The following MTOR variants were observed in gnomAD, a reference collection of about 807,000 sequenced individuals.
The protein encoded by MTOR is serine/threonine-protein kinase mTOR.
In MTOR, 70 loss-of-function variants were observed where a neutral mutation model predicts 319.8. That is an observed-to-expected ratio of 0.22 (90% CI 0.18 to 0.27). The LOEUF (loss-of-function observed/expected upper bound fraction) is 0.27, where lower values mean the gene tolerates loss of function less well. MTOR is among the 10% of genes least tolerant of loss of function. The pLI is 1.00. For missense variants in MTOR, 1,890 were observed against 3,274.4 expected, an observed-to-expected ratio of 0.58 and a Z score of 10.32; for synonymous variants, 1,183 against 1,211.4, an observed-to-expected ratio of 0.98 and a Z score of 0.49.
At chr1:11,235,549 C>T (rs1042102983) in intron 13 of MTOR, among the ~76,000 whole-genome samples, 1 of 152,124 alleles carries the variant, frequency 6.6e-6, no homozygotes, top group Non-Finnish European at 1.5e-5. Flanking sequence ...TTGGAAAAAT[C>T]TATATCAAAG....
chr1:11,206,272 AG>A (rs1295098084), intron 25 of MTOR, among the ~76,000 whole-genome samples: 1 of 152,250 alleles, frequency 6.6e-6, no homozygotes, highest in Admixed American at 6.5e-5. Flanking sequence ...GCACATAAAC[AG>A]GGAAGTATTA....
chr1:11,168,874 G>T (rs926935238), intron 28 of MTOR, among the ~76,000 whole-genome samples: 47 of 152,170 alleles, frequency 3.1e-4, no homozygotes, highest in African/African-American at 1.1e-3. Context: ...CTGAGTTATG[G>T]AAGGAAGGGA....
rs1646241062 is a variant in MTOR, at chr1:11,209,374, T to G, written c.3739A>C (p.Ser1247Arg). 6.2e-7 allele frequency: 1 copy of G among 1,614,232 alleles called. No individual in the cohort carries two copies. The highest frequency in any genetic ancestry group is 1.3e-5 in the African/African-American group (1 of 75,068). ...ATGGGTCCTGTTTCCACTGGTCCAC[T>G]AGCCAATGCATCCCCTTGGCCACTC... is the stretch of plus-strand genomic sequence containing the variant. The part of the protein sequence containing the change: ...LRSGQGDALA[S>R]GPVETGPMKK... The change falls in exon 25 of 58, where the codon AGT becomes CGT. Residue 1247 changes from serine (S) to arginine (R), a missense_variant. Coordinates refer to ENST00000361445, the MANE Select transcript of MTOR (RefSeq NM_004958.4).
At chr1:11,180,292 G>A (rs1200228344) in intron 28 of MTOR, among the ~76,000 whole-genome samples, 1 of 152,140 alleles carries the variant, frequency 6.6e-6, no homozygotes, top group Non-Finnish European at 1.5e-5. Context: ...GAAAAGGACC[G>A]CATATCTTTT....
At chr1:11,260,885 G>A (rs1326389997) in intron 1 of MTOR, among the ~76,000 whole-genome samples, 1 of 151,398 alleles carries the variant, frequency 6.6e-6, no homozygotes, top group Non-Finnish European at 1.5e-5. Context: ...CACCTCCCGG[G>A]TTCAAATGAT....
Position 11,234,210 on chromosome 1 carries a change from C to A in MTOR, c.2264G>T (p.Arg755Leu). 1 of 1,613,996 alleles carries A rather than the reference C, an allele frequency of 6.2e-7. No homozygotes were observed. The highest frequency in any genetic ancestry group is 8.5e-7 in the Non-Finnish European group (1 of 1,179,952). ...GIGRIKEQSA[R>L]MLGHLVSNAP... ...ATTGGAGACCAGGTGCCCCAGCATGCGGGCACTCTGCTCTTTGATTCTTCC... is the reference window on the plus strand; with the variant it reads ...ATTGGAGACCAGGTGCCCCAGCATGAGGGCACTCTGCTCTTTGATTCTTCC... Residue 755 changes from arginine (R) to leucine (L), a missense_variant, in exon 14 of 58, where the codon CGC (arginine) becomes CTC (leucine). By Grantham distance (102) the Arg-to-Leu change is moderately radical. Transcript: ENST00000361445.
rs1196008672 is a variant in MTOR, at chr1:11,238,497, A to AGGT, written c.1904_1906dup (p.His635dup). The AGGT allele has an allele frequency of 6.2e-7, 1 of 1,614,184 alleles. No individual in the cohort carries two copies. Among genetic ancestry groups the AGGT allele is most frequent in the South Asian group, 1.1e-5 (1 of 91,090 alleles). On this transcript the variant is annotated inframe_insertion, in exon 12 of 58. Coordinates refer to ENST00000361445, the MANE Select transcript of MTOR (RefSeq NM_004958.4). ...AACCACATGAGCATGGCCACTGATG[A>AGGT]GGTGGATGGAGGGTGTGAGCAGGCG...
At chr1:11,215,996 C>G (rs147196794) in intron 20 of MTOR, 152 bp downstream of exon 20, 3 of 479,428 alleles carry the variant, frequency 6.3e-6, no homozygotes, top group African/African-American at 1.9e-5. Flanking sequence ...CTTCCTCCCC[C>G]TCAAAATCCA....
chr1:11,120,693 C>A (rs1438261027), intron 49 of MTOR, among the ~76,000 whole-genome samples: 2 of 152,116 alleles, frequency 1.3e-5, no homozygotes, highest in Non-Finnish European at 2.9e-5. Flanking sequence ...TTGTATGTAA[C>A]CTATGCACAA....
At chr1:11,231,185 GGA>G in intron 17 of MTOR, 113 bp downstream of exon 17, 1 of 1,580,836 alleles carries the variant, frequency 6.3e-7, no homozygotes. Context: ...GAACAAAATT[GGA>G]GAGGGACAGG....
intron 36 of MTOR, chr1:11,138,938 C>T (rs17417751): frequency 0.041 from 7,834 of 191,462 alleles, 244 homozygotes; most frequent in Middle Eastern, 0.083. Flanking sequence ...TCTGAAAAAC[C>T]CAAATTGGTC....
chr1:11,128,842 C>CA lies in MTOR; in HGVS notation c.5811+12dup, dbSNP rs1642980650. ...ACTTGGAGCCACCTTCACCTGTAAC[C>CA]AAGTATCCTCACCTGTAGCCAGGTA... On this transcript the variant is annotated intron_variant, in intron 41 of 57. Transcript: ENST00000361445. This position sits in a 1 kb window ranked among gnomAD's most constrained non-coding sequence, Gnocchi z 5.3. 1.9e-6 allele frequency: 3 copies of CA among 1,608,870 alleles called. No homozygotes were observed. Among genetic ancestry groups the CA allele is most frequent in the Admixed American group, 3.3e-5 (2 of 59,854 alleles).
chr1:11,172,210 A>C (rs1644837212), intron 28 of MTOR, among the ~76,000 whole-genome samples: 1 of 152,132 alleles, frequency 6.6e-6, no homozygotes, highest in African/African-American at 2.4e-5. Flanking sequence ...TTGGGGGTGC[A>C]CCTTGGGATC....
At chr1:11,219,206 C>G (rs1446758952) in intron 19 of MTOR, among the ~76,000 whole-genome samples, 5 of 150,796 alleles carry the variant, frequency 3.3e-5, no homozygotes, top group East Asian at 1.9e-4. Context: ...AAAGTGAGAC[C>G]CTGTTTCAAA....
At chr1:11,235,980 C>CAA (rs879884938) in intron 13 of MTOR, among the ~76,000 whole-genome samples, 2 of 134,872 alleles carry the variant, frequency 1.5e-5, no homozygotes, top group African/African-American at 5.5e-5. Flanking sequence ...GACTGTGTCT[C>CAA]AAAAAAAAAA....
At chr1:11,112,591 C>A (rs1231767653) in intron 54 of MTOR, among the ~76,000 whole-genome samples, 1 of 152,234 alleles carries the variant, frequency 6.6e-6, no homozygotes, top group South Asian at 2.1e-4. Flanking sequence ...GTAGCCATTA[C>A]CACTTTAAGT....
intron 36 of MTOR, among the ~76,000 whole-genome samples, chr1:11,138,050 TAAGA>T (rs954702997): frequency 3.9e-5 from 6 of 152,232 alleles, no homozygotes; most frequent in African/African-American, 1.4e-4. Context: ...TTTGGGCTAC[TAAGA>T]AAGACTATTC....
In MTOR at chr1:11,107,112, T is replaced by G. The variant is rs369108578; in HGVS notation, c.*373A>C. ...CTGTGCTGAGTTTGCTGTACCCATG[T>G]TGAGAGGAGCAACTAGGTCATTCTT... On this transcript the variant is annotated 3_prime_UTR_variant, in exon 58 of 58. Coordinates refer to ENST00000361445, the MANE Select transcript of MTOR (RefSeq NM_004958.4). 2 of 1,375,902 alleles carry G rather than the reference T, an allele frequency of 1.5e-6. No individual in the cohort carries two copies. The highest frequency in any genetic ancestry group is 2.9e-5 in the African/African-American group (2 of 69,918). 85.2% of individuals were successfully genotyped at this position (1,375,902 alleles called of 1,614,324 possible).
chr1:11,162,314 CTGAAAGTGACGGGG>C (rs1323173369), intron 29 of MTOR, among the ~76,000 whole-genome samples: 3 of 152,280 alleles, frequency 2.0e-5, no homozygotes, highest in African/African-American at 7.2e-5. Context: ...ACTGGTGTAC[CTGAAAGTGACGGGG>C]AGTGAAATAG....
Sources: allele counts gnomAD v4.1 joint callset (sites outside exome capture counted in the v4.1 genomes callset), GRCh38; gene constraint gnomAD v4.1.1; non-coding constraint Gnocchi (gnomAD v3.1); transcripts MANE v1.5; gene names NCBI Gene and HGNC (gene_info 2026-07-23, HGNC 2026-07-21).